The following SPAG9 variants were observed in gnomAD, a reference collection of about 807,000 sequenced individuals.
SPAG9 encodes sperm associated antigen 9.
SPAG9 carries 35 observed loss-of-function variants against 166.5 expected under a neutral mutation model. The ratio of observed to expected loss-of-function variants is 0.21; its 90% confidence interval spans 0.16 to 0.28. The LOEUF (loss-of-function observed/expected upper bound fraction) is 0.28. SPAG9 is among the 10% of genes least tolerant of loss of function. The pLI is 1.00. For synonymous variants in SPAG9, 534 were observed against 565.5 expected, an observed-to-expected ratio of 0.94 and a Z score of 0.79; for missense variants, 1,235 against 1,603.3, an observed-to-expected ratio of 0.77 and a Z score of 3.92.
chr17:50,987,301 G>T, intron 21 of SPAG9, 64 bp from the exon 22 acceptor site: 1 of 1,385,172 alleles, frequency 7.2e-7, no homozygotes, highest in Non-Finnish European at 9.9e-7. Flanking sequence ...AGTTTTCAGG[G>T]ACTGAATCCT....
intron 1 of SPAG9, among the ~76,000 whole-genome samples, chr17:51,085,831 A>C (rs2048290099): frequency 6.6e-6 from 1 of 152,174 alleles, no homozygotes; most frequent in African/African-American, 2.4e-5. Context: ...AAATAGGTGA[A>C]ACTCAAAGCT....
intron 24 of SPAG9, among the ~76,000 whole-genome samples, chr17:50,982,993 CTT>C (rs1275140643): frequency 6.6e-6 from 1 of 152,152 alleles, no homozygotes; most frequent in Non-Finnish European, 1.5e-5. Context: ...TTAGAATGGA[CTT>C]AAGGTTATTT....
chr17:51,048,874 T>C (rs2047103893), intron 3 of SPAG9, among the ~76,000 whole-genome samples: 1 of 152,230 alleles, frequency 6.6e-6, no homozygotes, highest in Non-Finnish European at 1.5e-5. Flanking sequence ...AATTTTTTAA[T>C]TGACATACTT....
rs375400352 is a variant in SPAG9 at position 50,990,492 on chromosome 17, G to C, written c.2575C>G (p.Pro859Ala). Residue 859 changes from proline to alanine, a missense_variant, in exon 20 of 30, where the codon CCT becomes GCT. Pro to Ala is a conservative substitution (Grantham distance 27). Around this residue, in one of 6 missense-constraint regions of SPAG9, gnomAD observed 493 missense variants for 559.4 expected, o/e 0.88. Coordinates refer to ENST00000262013, the MANE Select transcript of SPAG9 (RefSeq NM_001130528.3). ...AEGVTGAATSPSTNGASPVMD... is the reference protein window; with the variant it reads ...AEGVTGAATSASTNGASPVMD... The stretch of plus-strand genomic sequence containing the variant: ...ACTGGAGAAGCACCATTTGTACTAG[G>C]GGAAGTGGCAGCTCCCGTCACACCT... 2.5e-6 allele frequency: 4 copies of C among 1,614,166 alleles called. No individual in the cohort carries two copies. The highest frequency in any genetic ancestry group is 3.4e-6 in the Non-Finnish European group (4 of 1,180,014).
intron 1 of SPAG9, among the ~76,000 whole-genome samples, chr17:51,106,453 C>T (rs1568093674): frequency 6.6e-6 from 1 of 152,192 alleles, no homozygotes; most frequent in Non-Finnish European, 1.5e-5. Flanking sequence ...ACAAGATAGG[C>T]TACCTTCCTT....
At position 50,962,317 on chromosome 17, in the gene SPAG9, G is replaced by A. The variant is rs1329996193; in HGVS notation, c.*3955C>T. ...CATAGAAATGAAGCTCAGCCTCTAA[G>A]AGACAGCAAGTGGGACATTCTAGAA... On this transcript the variant is annotated 3_prime_UTR_variant, in exon 30 of 30. Transcript: ENST00000262013. 1 of 152,144 alleles carries A rather than the reference G, an allele frequency of 6.6e-6. No individual in the cohort carries two copies. Among genetic ancestry groups the A allele is most frequent in the African/African-American group, 2.4e-5 (1 of 41,424 alleles). 9.4% of individuals were successfully genotyped at this position (152,144 alleles called of 1,614,324 possible). A position where few individuals can be genotyped will look rare whatever the true frequency, so the allele number is the denominator to read the frequency against.
chr17:50,985,889 T>C lies in SPAG9; in HGVS notation c.2940-111A>G, dbSNP rs540969347. On this transcript the variant is annotated intron_variant, in intron 22 of 29. Coordinates refer to ENST00000262013, the MANE Select transcript of SPAG9 (RefSeq NM_001130528.3). ...AAGGAAAGAAGAGTAACATACAAAT[T>C]TTAGGAAAAGGTGCTGCTGCTTTTG... 1,379 of 604,408 alleles carry C rather than the reference T, an allele frequency of 2.3e-3. 3 individuals are homozygous for C. Among genetic ancestry groups the C allele is most frequent in the Middle Eastern group, 3.5e-3 (13 of 3,734 alleles). 37.4% of individuals were successfully genotyped at this position (604,408 alleles called of 1,614,324 possible). A position where few individuals can be genotyped will look rare whatever the true frequency, so the allele number is the denominator to read the frequency against.
At chr17:51,077,848 A>C (rs532032850) in intron 2 of SPAG9, among the ~76,000 whole-genome samples, 33 of 151,668 alleles carry the variant, frequency 2.2e-4, no homozygotes, top group Non-Finnish European at 4.0e-4. Context: ...ACGGGGTTTC[A>C]CCATGTTGCC....
chr17:51,074,065 T>A (rs907064238), intron 2 of SPAG9, among the ~76,000 whole-genome samples: 14 of 151,238 alleles, frequency 9.3e-5, no homozygotes, highest in Non-Finnish European at 2.1e-4. Context: ...TGAAACCCCG[T>A]CTCTACTAAA....
intron 1 of SPAG9, among the ~76,000 whole-genome samples, chr17:51,114,021 A>C (rs1442494022): frequency 6.6e-6 from 1 of 151,554 alleles, no homozygotes; most frequent in African/African-American, 2.4e-5. Context: ...GATCTATAAA[A>C]ATATTAAAAT....
intron 3 of SPAG9, among the ~76,000 whole-genome samples, chr17:51,053,992 T>C (rs988241796): frequency 1.4e-5 from 2 of 147,198 alleles, no homozygotes; most frequent in Non-Finnish European, 3.0e-5. Flanking sequence ...AGATGAATGA[T>C]GTGAAAATCA....
At chr17:51,042,893 A>G (rs1023670028) in intron 4 of SPAG9, among the ~76,000 whole-genome samples, 3 of 152,132 alleles carry the variant, frequency 2.0e-5, no homozygotes, top group African/African-American at 7.2e-5. Context: ...CAGTACAATA[A>G]GAGGGTAGTT....
intron 2 of SPAG9, 85 bp from the exon 3 acceptor site, chr17:51,056,567 C>A: frequency 1.2e-6 from 1 of 818,934 alleles, no homozygotes; most frequent in East Asian, 2.5e-5. Flanking sequence ...ATGGGCTATC[C>A]ATAATCCTTA....
At chr17:51,077,447 A>G (rs535938321) in intron 2 of SPAG9, among the ~76,000 whole-genome samples, 1 of 151,978 alleles carries the variant, frequency 6.6e-6, no homozygotes, top group East Asian at 1.9e-4. Flanking sequence ...AAAAAGTACA[A>G]TCAAATTAGG....
chr17:51,119,122 T>C (rs2049394434), intron 1 of SPAG9, among the ~76,000 whole-genome samples: 2 of 148,992 alleles, frequency 1.3e-5, no homozygotes, highest in Admixed American at 6.7e-5. Context: ...GAACTAAAAA[T>C]CATCACTACA....
chr17:51,099,948 A>T (rs1314076361), intron 1 of SPAG9, among the ~76,000 whole-genome samples: 2 of 151,874 alleles, frequency 1.3e-5, no homozygotes, highest in East Asian at 1.9e-4. Context: ...AAAAATAAAA[A>T]AATTAGCCAG....
At chr17:51,037,856 T>C (rs2046680233) in intron 5 of SPAG9, among the ~76,000 whole-genome samples, 1 of 151,576 alleles carries the variant, frequency 6.6e-6, no homozygotes, top group Admixed American at 6.6e-5. Context: ...ACGAGCCACC[T>C]GTCCAGCCTA....
intron 5 of SPAG9, 47 bp from the exon 6 acceptor site, chr17:51,031,769 T>C (rs561705640): frequency 7.2e-7 from 1 of 1,398,470 alleles, no homozygotes; most frequent in East Asian, 2.5e-5. Context: ...ATGTGTTTAC[T>C]AGGTTTTAAC....
intron 1 of SPAG9, among the ~76,000 whole-genome samples, chr17:51,095,958 GATATATAT>G (rs113132091): frequency 1.0e-5 from 1 of 99,256 alleles, no homozygotes; most frequent in Non-Finnish European, 1.8e-5. Flanking sequence ...TATATATAGT[GATATATAT>G]ATATAGTGAT....
Sources: gnomAD v4.1 joint callset for allele counts (sites outside exome capture counted in the v4.1 genomes callset) on GRCh38, gnomAD v4.1.1 for gene constraint, gnomAD v4.1.1 regional missense constraint, MANE v1.5 for transcripts, NCBI Gene and HGNC (gene_info 2026-07-23, HGNC 2026-07-21) for gene names.